PDE8A: variants seen among roughly 807,000 people sequenced by gnomAD.
PDE8A encodes the protein high affinity cAMP-specific and IBMX-insensitive 3',5'-cyclic phosphodiesterase 8A.
A neutral mutation model predicts 105.0 loss-of-function variants in PDE8A; 59 were observed. The observed-to-expected ratio is 0.56, with a 90% CI of 0.46 to 0.70. PDE8A has a LOEUF of 0.70. PDE8A is among the 30% of genes least tolerant of loss of function. PDE8A has a pLI of 0.00. For synonymous variants in PDE8A, 355 were observed against 371.9 expected (o/e 0.95, Z 0.52); for missense variants, 1,014 against 1,045.9 (o/e 0.97, Z 0.42).
intron 1 of PDE8A, among the ~76,000 whole-genome samples, chr15:85,031,523 A>C (rs191850350): frequency 8.9e-4 from 135 of 152,174 alleles, no homozygotes; most frequent in Admixed American, 1.4e-3. Flanking sequence ...AGTCAGAATC[A>C]CTTAAACCAT....
At chr15:85,001,907 C>T (rs2080073585) in intron 1 of PDE8A, among the ~76,000 whole-genome samples, 1 of 152,194 alleles carries the variant, frequency 6.6e-6, no homozygotes, top group Admixed American at 6.5e-5. Flanking sequence ...TGTGCATGAA[C>T]TAAGTTAATC....
chr15:84,981,322 C>A (rs1447668210), upstream of PDE8A, among the ~76,000 whole-genome samples: 3 of 152,204 alleles, frequency 2.0e-5, no homozygotes, highest in East Asian at 3.9e-4. Flanking sequence ...CGCCAGCACC[C>A]GCTGGAGGTC....
chr15:85,076,594 C>G (rs187528943), intron 4 of PDE8A, 139 bp from the exon 5 acceptor site: 82 of 614,252 alleles, frequency 1.3e-4, no homozygotes, highest in Non-Finnish European at 2.0e-4. Context: ...TCAACTTTAT[C>G]CTTTAAATTT....
intron 1 of PDE8A, among the ~76,000 whole-genome samples, chr15:85,021,562 A>G (rs2080427171): frequency 6.6e-6 from 1 of 152,110 alleles, no homozygotes; most frequent in African/African-American, 2.4e-5. Context: ...TGGCTCTTAA[A>G]AAAAAAAAGT....
chr15:84,981,063 G>T (rs2079698966), upstream of PDE8A, among the ~76,000 whole-genome samples: 3 of 152,314 alleles, frequency 2.0e-5, no homozygotes, highest in East Asian at 3.9e-4. Context: ...TCTTTTCTGG[G>T]TAACAGCTCC....
chr15:85,102,338 A>C (rs1009578479), intron 11 of PDE8A, among the ~76,000 whole-genome samples: 1 of 152,124 alleles, frequency 6.6e-6, no homozygotes, highest in Admixed American at 6.5e-5. Context: ...GAGATGGATA[A>C]AAACTTGTGC....
chr15:85,045,090 C>T (rs1485107000), intron 1 of PDE8A, among the ~76,000 whole-genome samples: 1 of 152,190 alleles, frequency 6.6e-6, no homozygotes, highest in African/African-American at 2.4e-5. Context: ...GGTACTCCTT[C>T]CTCCACCTCT....
chr15:84,987,648 T>G (rs2079825390), intron 1 of PDE8A, among the ~76,000 whole-genome samples: 1 of 151,644 alleles, frequency 6.6e-6, no homozygotes, highest in South Asian at 2.1e-4. Flanking sequence ...ATTTTTTTTT[T>G]GTATATTTAG....
At chr15:84,984,746 T>G (rs2079775003) in intron 1 of PDE8A, among the ~76,000 whole-genome samples, 1 of 152,188 alleles carries the variant, frequency 6.6e-6, no homozygotes, top group Non-Finnish European at 1.5e-5. Flanking sequence ...CGTGGTCTGG[T>G]AAGTTTTTGG....
At position 85,085,523 on chromosome 15, in the gene PDE8A, C is replaced by A. The variant is rs373917420; in HGVS notation, c.635+1879C>A. Among the ~76,000 whole-genome samples the A allele has an allele frequency of 4.6e-5, 7 of 151,818 alleles. No individual in the cohort carries two copies. The East Asian group carries it at 9.7e-4, about 21-fold the overall frequency. On this transcript the variant is annotated intron_variant, in intron 6 of 21. Coordinates refer to ENST00000394553, the MANE Select transcript of PDE8A (RefSeq NM_002605.3). ...GACAAGCCTGGCCAACATGGCGAAA[C>A]CCTGTCTCTATTAAAAATACTAAAA...
Position 85,132,839 on chromosome 15 carries a change from TGTG to T in PDE8A, c.2254-3694_2254-3692del, listed in dbSNP as rs1171786015. Among the ~76,000 whole-genome samples, 6 of 10,484 alleles carry T rather than the reference TGTG, an allele frequency of 5.7e-4. No homozygotes were observed. The African/African-American group carries it at 0.029, about 51-fold the overall frequency. The allele number at this position is 10,484 out of a possible 152,430, so 6.9% of individuals were successfully genotyped here. On this transcript the variant is annotated intron_variant, in intron 20 of 21. Coordinates refer to ENST00000394553, the MANE Select transcript of PDE8A (RefSeq NM_002605.3). ...CTGTCATTTCCTATAGTTCCTGGTC[TGTG>T]TGTGTGTGTGTGTGTGTGTTTTTAG...
At chr15:85,011,795 C>T (rs1478421243) in intron 1 of PDE8A, among the ~76,000 whole-genome samples, 3 of 152,100 alleles carry the variant, frequency 2.0e-5, no homozygotes, top group Non-Finnish European at 4.4e-5. Context: ...GCAACCTGCT[C>T]ATCTGACAAA....
At chr15:85,005,398 G>A (rs1431900786) in intron 1 of PDE8A, among the ~76,000 whole-genome samples, 1 of 152,180 alleles carries the variant, frequency 6.6e-6, no homozygotes, top group Non-Finnish European at 1.5e-5. Flanking sequence ...TTACAAGTAT[G>A]TGCCACTGTG....
intron 2 of PDE8A, 49 bp downstream of exon 2, chr15:85,064,475 AG>A (rs1481277145): frequency 5.6e-6 from 7 of 1,258,424 alleles, no homozygotes; most frequent in Non-Finnish European, 8.1e-6. Flanking sequence ...TTCTTTAAAA[AG>A]GGTGGAGGTG....
Position 85,064,441 on chromosome 15 carries a change from T to C in PDE8A, c.243+15T>C, listed in dbSNP as rs766172579. ...ATCAACTTCAGGTAATAATGAACGA[T>C]GCTGTATTTTTCACATGCTGATTTT... On this transcript the variant is annotated intron_variant, in intron 2 of 21. Transcript: ENST00000394553. 3 of 1,566,566 alleles carry C rather than the reference T, an allele frequency of 1.9e-6. No homozygotes were observed. The highest frequency in any genetic ancestry group is 2.7e-5 in the African/African-American group (2 of 73,944).
At chr15:85,091,493 G>T (rs1454559615) in intron 8 of PDE8A, among the ~76,000 whole-genome samples, 1 of 152,134 alleles carries the variant, frequency 6.6e-6, no homozygotes, top group Non-Finnish European at 1.5e-5. Flanking sequence ...TTGGCAAATG[G>T]TTCTGGGTAA....
chr15:85,003,750 C>T (rs2080102639), intron 1 of PDE8A, among the ~76,000 whole-genome samples: 3 of 152,158 alleles, frequency 2.0e-5, no homozygotes, highest in Admixed American at 2.0e-4. Flanking sequence ...TTGACGTTCT[C>T]CCTTACTTCG....
At chr15:85,103,264 G>C (rs1290669707) in intron 11 of PDE8A, among the ~76,000 whole-genome samples, 1 of 152,170 alleles carries the variant, frequency 6.6e-6, no homozygotes, top group East Asian at 1.9e-4. Flanking sequence ...GGGCAGCCGG[G>C]ATATGGCAGA....
intron 11 of PDE8A, among the ~76,000 whole-genome samples, chr15:85,100,572 G>A (rs956175169): frequency 1.3e-5 from 2 of 152,228 alleles, no homozygotes; most frequent in African/African-American, 4.8e-5. Flanking sequence ...CTGCCAGCCT[G>A]CAGGGAGGTA....
Sources: allele counts gnomAD v4.1 joint callset (sites outside exome capture counted in the v4.1 genomes callset), GRCh38; gene constraint gnomAD v4.1.1; transcripts MANE v1.5; gene names NCBI Gene and HGNC (gene_info 2026-07-23, HGNC 2026-07-21).